The following PIBF1 variants were observed in gnomAD, a reference collection of about 807,000 sequenced individuals.
PIBF1 encodes the protein progesterone immunomodulatory binding factor 1.
PIBF1 carries 90 observed loss-of-function variants against 112.5 expected under a neutral mutation model. That is an observed-to-expected ratio of 0.80 (90% confidence interval 0.67 to 0.95). The LOEUF (loss-of-function observed/expected upper bound fraction) is 0.95. Among genes scored for constraint, PIBF1 ranks in the 40% least tolerant of loss-of-function variants. PIBF1 has a pLI of 0.00. For synonymous variants in PIBF1, 301 were observed against 288.6 expected, an observed-to-expected ratio of 1.04 and a Z score of -0.44; for missense variants, 915 against 852.3, an observed-to-expected ratio of 1.07 and a Z score of -0.92.
chr13:72,989,460 G>C (rs1226745358), intron 16 of PIBF1, among the ~76,000 whole-genome samples: 1 of 152,130 alleles, frequency 6.6e-6, no homozygotes, highest in Non-Finnish European at 1.5e-5. Context: ...ATTATACTAA[G>C]TGAAAGAAGC....
At chr13:72,995,628 C>G (rs2043627620) in intron 16 of PIBF1, among the ~76,000 whole-genome samples, 1 of 152,168 alleles carries the variant, frequency 6.6e-6, no homozygotes, top group African/African-American at 2.4e-5. Flanking sequence ...CCAGGATAAA[C>G]TTTAAACCAA....
At chr13:72,948,696 TCACAGATC>T (rs1279715336) in intron 14 of PIBF1, among the ~76,000 whole-genome samples, 2 of 152,198 alleles carry the variant, frequency 1.3e-5, no homozygotes, top group Non-Finnish European at 2.9e-5. Context: ...TTTAATTGAT[TCACAGATC>T]CACAGAGCTG....
chr13:72,841,269 T>C (rs1481627648), intron 9 of PIBF1, among the ~76,000 whole-genome samples: 1 of 152,236 alleles, frequency 6.6e-6, no homozygotes, highest in Non-Finnish European at 1.5e-5. Context: ...TGAGATGTAT[T>C]ATATAAATAA....
rs1322973266 is a variant in PIBF1, at chr13:72,957,669, AAAT to A, written c.1834-7596_1834-7594del. Among the ~76,000 whole-genome samples the A allele has an allele frequency of 2.6e-5, 4 of 152,262 alleles. No homozygotes were observed. The East Asian group carries it at 7.7e-4, about 29-fold the overall frequency. On this transcript the variant is annotated intron_variant, in intron 14 of 17. Transcript: ENST00000326291. ...TTCTCCAAAAACTCTTGAAATAAAA[AAAT>A]AATAATAAAATTCTAAGCCCAGCTA...
chr13:72,948,395 C>T (rs1298597551), intron 14 of PIBF1, among the ~76,000 whole-genome samples: 3 of 152,132 alleles, frequency 2.0e-5, no homozygotes, highest in Non-Finnish European at 4.4e-5. Context: ...TCTGAAACTA[C>T]CTCAGTCAGC....
chr13:72,784,186 A>G (rs540122610), intron 2 of PIBF1, among the ~76,000 whole-genome samples: 5 of 150,830 alleles, frequency 3.3e-5, no homozygotes, highest in African/African-American at 5.0e-5. Context: ...TACATGACAT[A>G]TACACACAGT....
At chr13:72,937,866 T>C (rs2041912491) in intron 14 of PIBF1, among the ~76,000 whole-genome samples, 1 of 152,060 alleles carries the variant, frequency 6.6e-6, no homozygotes, top group South Asian at 2.1e-4. Flanking sequence ...TAAAGAGATA[T>C]AATAATATGA....
chr13:72,883,355 A>AT (rs1170457956), intron 10 of PIBF1, among the ~76,000 whole-genome samples: 1 of 152,188 alleles, frequency 6.6e-6, no homozygotes, highest in East Asian at 1.9e-4. Flanking sequence ...AGTTGGGAGA[A>AT]TGGGGCATGG....
intron 14 of PIBF1, among the ~76,000 whole-genome samples, chr13:72,945,085 C>T (rs2042115576): frequency 1.3e-5 from 2 of 152,108 alleles, no homozygotes; most frequent in African/African-American, 2.4e-5. Context: ...CTGTTGTTCC[C>T]ATCTTTATGT....
intron 14 of PIBF1, among the ~76,000 whole-genome samples, chr13:72,963,292 G>A (rs1016821375): frequency 2.3e-4 from 35 of 152,152 alleles, no homozygotes; most frequent in African/African-American, 8.0e-4. Context: ...ATAAAAAATT[G>A]TGAGTTAAAG....
At chr13:72,819,883 A>G (rs1049755062) in intron 5 of PIBF1, among the ~76,000 whole-genome samples, 4 of 151,896 alleles carry the variant, frequency 2.6e-5, no homozygotes, top group Non-Finnish European at 4.4e-5. Flanking sequence ...GTTTTTCCTG[A>G]CACACACCCC....
intron 5 of PIBF1, among the ~76,000 whole-genome samples, chr13:72,811,616 G>GAA (rs1593947949): frequency 2.0e-5 from 3 of 148,704 alleles, no homozygotes; most frequent in Admixed American, 2.0e-4. Context: ...AAAAGAGAGA[G>GAA]AAATGTATAT....
chr13:72,983,253 T>C (rs144850449), intron 16 of PIBF1, among the ~76,000 whole-genome samples: 11 of 152,158 alleles, frequency 7.2e-5, no homozygotes, highest in African/African-American at 2.6e-4. Flanking sequence ...TGAGTCATGA[T>C]TGCACCACTG....
intron 11 of PIBF1, among the ~76,000 whole-genome samples, chr13:72,894,898 G>A (rs977331678): frequency 6.6e-6 from 1 of 151,508 alleles, no homozygotes; most frequent in African/African-American, 2.4e-5. Flanking sequence ...GCTGAGGTAG[G>A]TGGATCACCT....
chr13:72,866,044 T>TG (rs1269586502), intron 10 of PIBF1, among the ~76,000 whole-genome samples: 4 of 152,320 alleles, frequency 2.6e-5, no homozygotes, highest in African/African-American at 7.2e-5. Flanking sequence ...TTTGCTTGCT[T>TG]CTTCCAGCTT....
intron 11 of PIBF1, among the ~76,000 whole-genome samples, chr13:72,902,497 T>A (rs1487237818): frequency 6.6e-6 from 1 of 151,904 alleles, no homozygotes; most frequent in Admixed American, 6.6e-5. Context: ...GTGGGTGGTA[T>A]TAATCTTTCC....
At chr13:73,002,151 T>C (rs2043890092) in intron 17 of PIBF1, among the ~76,000 whole-genome samples, 1 of 152,146 alleles carries the variant, frequency 6.6e-6, no homozygotes, top group South Asian at 2.1e-4. Context: ...TTGTTTTGCA[T>C]AGCATCTGAA....
chr13:72,898,482 A>T (rs1330081233), intron 11 of PIBF1, among the ~76,000 whole-genome samples: 2 of 152,030 alleles, frequency 1.3e-5, no homozygotes, highest in South Asian at 4.1e-4. Context: ...TGAAATTTGA[A>T]CAAAAAGAAA....
chr13:72,914,175 G>A (rs566901979), intron 12 of PIBF1, among the ~76,000 whole-genome samples: 10 of 151,846 alleles, frequency 6.6e-5, no homozygotes, highest in Middle Eastern at 3.4e-3. Context: ...CATTTAATTC[G>A]GGTAATTTTA....
Sources: gnomAD v4.1 joint callset for allele counts (sites outside exome capture counted in the v4.1 genomes callset) on GRCh38, gnomAD v4.1.1 for gene constraint, MANE v1.5 for transcripts, NCBI Gene and HGNC (gene_info 2026-07-23, HGNC 2026-07-21) for gene names.